The following LINGO2 variants were observed in gnomAD, a reference collection of about 807,000 sequenced individuals.
LINGO2 encodes the protein leucine rich repeat and Ig domain containing 2, also known as leucine-rich repeat and immunoglobulin-like domain-containing nogo receptor-interacting protein 2.
In LINGO2, 14 loss-of-function variants were observed where a neutral mutation model predicts 30.6. That is an observed-to-expected ratio of 0.46 (90% CI 0.30 to 0.72). The LOEUF (loss-of-function observed/expected upper bound fraction) is 0.72. LINGO2 is among the 30% of genes least tolerant of loss of function. The probability of loss-of-function intolerance (pLI) is 0.07; values close to 1 mark genes in which losing one functional copy is unlikely to be tolerated. For missense variants in LINGO2, 729 were observed against 751.7 expected (o/e 0.97, Z 0.35); for synonymous variants, 317 against 288.5 (o/e 1.10, Z -1.00).
the LINGO2 span, among the ~76,000 whole-genome samples, chr9:28,987,753 TC>T: frequency 6.6e-6 from 1 of 152,174 alleles, no homozygotes; most frequent in Non-Finnish European, 1.5e-5. Flanking sequence ...TTTCCATTCA[TC>T]TAAAGATATT....
chr9:28,860,995 TA>T, the LINGO2 span, among the ~76,000 whole-genome samples: 4 of 127,338 alleles, frequency 3.1e-5, no homozygotes, highest in Non-Finnish European at 6.3e-5. Flanking sequence ...TAATATATTA[TA>T]TTTATTAATA....
chr9:28,106,070 C>T (rs1015955888), intron 4 of LINGO2, among the ~76,000 whole-genome samples: 2 of 151,990 alleles, frequency 1.3e-5, no homozygotes, highest in Admixed American at 1.3e-4. Context: ...TTGTGAACTG[C>T]TCATGTGAGG....
In LINGO2 at chr9:28,148,743, G is replaced by A; in HGVS notation, c.-86-136338C>T. 1 of 1,533,960 alleles carries A rather than the reference G, an allele frequency of 6.5e-7. No individual in the cohort carries two copies. The highest frequency in any genetic ancestry group is 8.7e-7 in the Non-Finnish European group (1 of 1,146,498). ...CCTGCTGGAGGCATCCTTCCCTTTG[G>A]GAAGCCTGACCCACTTCCAACAGTG... On this transcript the variant is annotated intron_variant, in intron 4 of 5. Transcript: ENST00000379992. The surrounding 1 kb of genome is among the most constrained non-coding windows in gnomAD (Gnocchi z 5.1).
the LINGO2 span, among the ~76,000 whole-genome samples, chr9:29,120,764 C>T: frequency 2.0e-5 from 3 of 152,112 alleles, no homozygotes; most frequent in Admixed American, 2.0e-4. Context: ...TTGAACCAGA[C>T]CTTAAAACTT....
chr9:28,411,427 T>C (rs1236797986), intron 2 of LINGO2, among the ~76,000 whole-genome samples: 1 of 152,094 alleles, frequency 6.6e-6, no homozygotes, highest in Non-Finnish European at 1.5e-5. Context: ...ATTCATATAG[T>C]TGTACAATCA....
chr9:28,461,155 A>G (rs988068777), intron 2 of LINGO2, among the ~76,000 whole-genome samples: 2 of 152,200 alleles, frequency 1.3e-5, no homozygotes, highest in Admixed American at 6.6e-5. Flanking sequence ...ATGATAGAAG[A>G]TAGTACTGGA....
At chr9:29,097,351 C>T in the LINGO2 span, among the ~76,000 whole-genome samples, 1 of 137,976 alleles carries the variant, frequency 7.2e-6, no homozygotes, top group African/African-American at 2.7e-5. Context: ...AAAATTATAT[C>T]TGTATTTTAA....
chr9:28,502,993 G>A (rs932934950), intron 1 of LINGO2, among the ~76,000 whole-genome samples: 3 of 152,068 alleles, frequency 2.0e-5, no homozygotes, highest in Non-Finnish European at 4.4e-5. Context: ...TTTTATGCCT[G>A]TGAGCACTTA....
intron 4 of LINGO2, among the ~76,000 whole-genome samples, chr9:28,056,523 C>T (rs1438655115): frequency 6.6e-6 from 1 of 152,090 alleles, no homozygotes; most frequent in Non-Finnish European, 1.5e-5. Flanking sequence ...ACCTTCACAT[C>T]CCAGGGATAC....
chr9:27,955,918 T>C (rs1819538899), intron 5 of LINGO2, among the ~76,000 whole-genome samples: 1 of 150,172 alleles, frequency 6.7e-6, no homozygotes, highest in Non-Finnish European at 1.5e-5. Flanking sequence ...CCATATCCCC[T>C]TCGACATGGA....
chr9:28,076,213 T>A (rs1196329130), intron 4 of LINGO2, among the ~76,000 whole-genome samples: 1 of 152,260 alleles, frequency 6.6e-6, no homozygotes, highest in Non-Finnish European at 1.5e-5. Flanking sequence ...ATCTTAGAAC[T>A]GTATTGGGAT....
intron 4 of LINGO2, among the ~76,000 whole-genome samples, chr9:28,198,317 T>C (rs550728153): frequency 6.6e-6 from 1 of 152,112 alleles, no homozygotes; most frequent in Non-Finnish European, 1.5e-5. Flanking sequence ...ACTAGTATTC[T>C]GTATAAATGT....
the LINGO2 span, among the ~76,000 whole-genome samples, chr9:29,004,562 T>A: frequency 6.6e-6 from 1 of 151,972 alleles, no homozygotes; most frequent in Non-Finnish European, 1.5e-5. Flanking sequence ...CACAACTATA[T>A]TATGTAATTC....
At chr9:28,789,249 C>A in the LINGO2 span, among the ~76,000 whole-genome samples, 3 of 152,068 alleles carry the variant, frequency 2.0e-5, no homozygotes, top group East Asian at 1.9e-4. Flanking sequence ...AATAATCTCA[C>A]TGTTTTGAGA....
chr9:28,956,368 A>G, the LINGO2 span, among the ~76,000 whole-genome samples: 1 of 152,072 alleles, frequency 6.6e-6, no homozygotes, highest in Admixed American at 6.6e-5. Context: ...GCTCTTGCCA[A>G]TTCAGGTTAA....
At chr9:28,836,476 A>T in the LINGO2 span, among the ~76,000 whole-genome samples, 1 of 151,752 alleles carries the variant, frequency 6.6e-6, no homozygotes, top group Non-Finnish European at 1.5e-5. Context: ...CACCACACCC[A>T]GCTAATTTTT....
At chr9:28,455,644 C>T (rs963697125) in intron 2 of LINGO2, among the ~76,000 whole-genome samples, 6 of 152,092 alleles carry the variant, frequency 3.9e-5, no homozygotes, top group Non-Finnish European at 5.9e-5. Flanking sequence ...TCTATGCTCT[C>T]GTGACAGTCT....
chr9:28,177,491 A>G (rs1162526013), intron 4 of LINGO2, among the ~76,000 whole-genome samples: 1 of 152,216 alleles, frequency 6.6e-6, no homozygotes, highest in Non-Finnish European at 1.5e-5. Flanking sequence ...ACTAACCTGC[A>G]TGAACCTCTC....
At chr9:28,742,448 T>A in the LINGO2 span, among the ~76,000 whole-genome samples, 1 of 151,752 alleles carries the variant, frequency 6.6e-6, no homozygotes, top group Non-Finnish European at 1.5e-5. Flanking sequence ...CCTAAACTAC[T>A]TTTTTCTGGA....
Sources: allele counts gnomAD v4.1 joint callset (sites outside exome capture counted in the v4.1 genomes callset), GRCh38; gene constraint gnomAD v4.1.1; non-coding constraint Gnocchi (gnomAD v3.1); transcripts MANE v1.5; gene names NCBI Gene and HGNC (gene_info 2026-07-23, HGNC 2026-07-21).